STK32B: variants seen among roughly 807,000 people sequenced by gnomAD.
STK32B encodes serine/threonine kinase 32B.
STK32B carries 43 observed loss-of-function variants against 52.6 expected under a neutral mutation model. The observed-to-expected ratio is 0.82, with a 90% CI of 0.64 to 1.05. The LOEUF is 1.05. STK32B is among the 50% of genes least tolerant of loss of function. The probability of loss-of-function intolerance (pLI) is 0.00; values close to 1 mark genes in which losing one functional copy is unlikely to be tolerated. For missense variants in STK32B, 621 were observed against 534.6 expected, an observed-to-expected ratio of 1.16 and a Z score of -1.59; for synonymous variants, 238 against 204.3, an observed-to-expected ratio of 1.17 and a Z score of -1.41.
At chr4:5,411,048 T>A (rs566165569) in intron 5 of STK32B, among the ~76,000 whole-genome samples, 6 of 152,008 alleles carry the variant, frequency 3.9e-5, no homozygotes, top group African/African-American at 1.4e-4. Context: ...CTTTTTTTTT[T>A]TTTTTGAGAT....
intron 1 of STK32B, among the ~76,000 whole-genome samples, chr4:5,085,822 A>C (rs1031311477): frequency 6.6e-6 from 1 of 152,178 alleles, no homozygotes; most frequent in African/African-American, 2.4e-5. Context: ...TTCCCCATTT[A>C]CTATCTCAGC....
At chr4:5,479,441 T>C (rs555905190) in intron 11 of STK32B, among the ~76,000 whole-genome samples, 3 of 152,244 alleles carry the variant, frequency 2.0e-5, no homozygotes, top group South Asian at 4.2e-4. Context: ...ATTCTAAGAA[T>C]TGGAGGAATA....
chr4:5,139,875 A>T (rs750239661), intron 1 of STK32B, 30 bp from the exon 2 acceptor site: 1 of 1,614,012 alleles, frequency 6.2e-7, no homozygotes, highest in Non-Finnish European at 8.5e-7. Context: ...AGCAAATCTG[A>T]CTTGTTTCCT....
At chr4:5,349,365 A>G (rs1213039264) in intron 4 of STK32B, among the ~76,000 whole-genome samples, 1 of 152,174 alleles carries the variant, frequency 6.6e-6, no homozygotes, top group Non-Finnish European at 1.5e-5. Flanking sequence ...GAAACAACAG[A>G]CACTATCAAT....
intron 4 of STK32B, among the ~76,000 whole-genome samples, chr4:5,392,479 T>A (rs1416513419): frequency 6.6e-6 from 1 of 152,206 alleles, no homozygotes; most frequent in African/African-American, 2.4e-5. Context: ...ATTATAAGCA[T>A]GTTCCTCAGA....
chr4:5,163,238 T>G (rs1443980960), intron 2 of STK32B, among the ~76,000 whole-genome samples: 1 of 152,136 alleles, frequency 6.6e-6, no homozygotes, highest in Non-Finnish European at 1.5e-5. Flanking sequence ...CACTTTCACA[T>G]GTGTGAGCCC....
At chr4:5,286,820 C>CTTTTGTT (rs1728576501) in intron 3 of STK32B, among the ~76,000 whole-genome samples, 1 of 125,870 alleles carries the variant, frequency 7.9e-6, no homozygotes, top group African/African-American at 3.0e-5. Flanking sequence ...TTTTTTGAGA[C>CTTTTGTT]GGAGTTTCGC....
At position 5,390,996 on chromosome 4, in the gene STK32B, C is replaced by T. The variant is rs564133333; in HGVS notation, c.435-7211C>T. On this transcript the variant is annotated intron_variant, in intron 4 of 11. Coordinates refer to ENST00000282908, the MANE Select transcript of STK32B (RefSeq NM_018401.3). Reference sequence around the variant, plus strand: ...TTTTTTTTTTTTTGAGACGGAATCTCACTCTGTTGCCCACGCTGGAGTGCA... The same window carrying T: ...TTTTTTTTTTTTTGAGACGGAATCTTACTCTGTTGCCCACGCTGGAGTGCA... Among the ~76,000 whole-genome samples the T allele has an allele frequency of 1.2e-4, 16 of 135,846 alleles. No individual in the cohort carries two copies. The East Asian group carries it at 3.6e-3, about 30-fold the overall frequency. 89.1% of individuals were successfully genotyped at this position (135,846 alleles called of 152,430 possible). A position where few individuals can be genotyped will look rare whatever the true frequency, so the allele number is the denominator to read the frequency against.
intron 4 of STK32B, among the ~76,000 whole-genome samples, chr4:5,367,881 A>G (rs564140385): frequency 7.2e-5 from 11 of 152,238 alleles, no homozygotes; most frequent in African/African-American, 2.4e-4. Context: ...AATCTCATAT[A>G]AGATTCAGAC....
At chr4:5,349,907 C>T (rs1055001932) in intron 4 of STK32B, among the ~76,000 whole-genome samples, 8 of 152,072 alleles carry the variant, frequency 5.3e-5, no homozygotes, top group Non-Finnish European at 8.8e-5. Flanking sequence ...GAAGACAGAT[C>T]TTTTGAAATA....
At chr4:5,321,275 A>C (rs910664801) in intron 3 of STK32B, among the ~76,000 whole-genome samples, 1 of 152,226 alleles carries the variant, frequency 6.6e-6, no homozygotes, top group Non-Finnish European at 1.5e-5. Flanking sequence ...GGTATTAAAA[A>C]AAAAGCACTT....
At chr4:5,407,367 A>T (rs895786017) in intron 5 of STK32B, among the ~76,000 whole-genome samples, 9 of 152,012 alleles carry the variant, frequency 5.9e-5, no homozygotes, top group Admixed American at 2.0e-4. Flanking sequence ...AGCCCTCCGC[A>T]CTCTTCCAAC....
intron 3 of STK32B, among the ~76,000 whole-genome samples, chr4:5,193,752 T>A (rs1234956604): frequency 2.0e-5 from 3 of 152,232 alleles, no homozygotes; most frequent in Non-Finnish European, 4.4e-5. Context: ...CGAGGGCCAT[T>A]GTTCCCAACA....
At chr4:5,084,317 C>T (rs1381011268) in intron 1 of STK32B, among the ~76,000 whole-genome samples, 4 of 152,096 alleles carry the variant, frequency 2.6e-5, no homozygotes, top group Admixed American at 6.6e-5. Context: ...TTTTGCTGAG[C>T]GCCTTCTGCC....
intron 2 of STK32B, among the ~76,000 whole-genome samples, chr4:5,162,934 C>T (rs1489746037): frequency 6.6e-6 from 1 of 152,202 alleles, no homozygotes; most frequent in East Asian, 1.9e-4. Flanking sequence ...GCAGATCCCT[C>T]AATCACATGG....
At chr4:5,325,889 G>A (rs1731841431) in intron 3 of STK32B, among the ~76,000 whole-genome samples, 2 of 152,164 alleles carry the variant, frequency 1.3e-5, no homozygotes, top group African/African-American at 4.8e-5. Flanking sequence ...GTAGAATAGT[G>A]CAAAACTACA....
At chr4:5,049,041 C>T (rs1391178155), upstream of STK32B, among the ~76,000 whole-genome samples, 1 of 152,220 alleles carries the variant, frequency 6.6e-6, no homozygotes, top group African/African-American at 2.4e-5. Flanking sequence ...AGACTAATTC[C>T]AGCCGTGTGG....
At chr4:5,337,672 C>G (rs1732797237) in intron 4 of STK32B, among the ~76,000 whole-genome samples, 1 of 151,520 alleles carries the variant, frequency 6.6e-6, no homozygotes, top group African/African-American at 2.4e-5. Context: ...ATTTATTTAG[C>G]TGGTAAAGAA....
At position 5,072,045 on chromosome 4, in the gene STK32B, T is replaced by G. The variant is rs572157026; in HGVS notation, c.52+20130T>G. 4.6e-5 allele frequency among the ~76,000 whole-genome samples: 7 copies of G among 152,314 alleles called. No individual in the cohort carries two copies. The East Asian group carries it at 1.3e-3, about 29-fold the overall frequency. On this transcript the variant is annotated intron_variant, in intron 1 of 11. Coordinates refer to ENST00000282908, the MANE Select transcript of STK32B (RefSeq NM_018401.3). ...AACTCCTCATCTTTCTGGATGCATT[T>G]ATCTGTTTGTAATTAATGGGAATAC... is the stretch of plus-strand genomic sequence containing the variant.
Sources: allele counts gnomAD v4.1 joint callset (sites outside exome capture counted in the v4.1 genomes callset), GRCh38; gene constraint gnomAD v4.1.1; transcripts MANE v1.5; gene names NCBI Gene and HGNC (gene_info 2026-07-23, HGNC 2026-07-21).